CRYZ: variants seen among roughly 807,000 people sequenced by gnomAD.
CRYZ encodes crystallin zeta, also known as zeta-crystallin.
Under a neutral mutation model 34.1 loss-of-function variants are expected in CRYZ, and 35 were observed. That is an observed-to-expected ratio of 1.03 (90% CI 0.78 to 1.36). CRYZ has a LOEUF of 1.36. CRYZ is among the 40% of genes most tolerant of loss of function. CRYZ has a pLI of 0.00. For synonymous variants in CRYZ, 137 were observed against 136.5 expected (o/e 1.00, Z -0.03); for missense variants, 403 against 391.8 (o/e 1.03, Z -0.24).
intron 1 of CRYZ, among the ~76,000 whole-genome samples, chr1:74,727,496 G>A (rs1281907861): frequency 6.7e-6 from 1 of 149,392 alleles, no homozygotes; most frequent in Non-Finnish European, 1.5e-5. Context: ...GCCGGGCATG[G>A]TGGCAGGCGC....
intron 4 of CRYZ, among the ~76,000 whole-genome samples, chr1:74,715,318 A>C (rs1191957145): frequency 3.9e-5 from 6 of 152,224 alleles, no homozygotes. Flanking sequence ...ACTGAAAAGA[A>C]GGGACATGCA....
intron 4 of CRYZ, among the ~76,000 whole-genome samples, chr1:74,717,189 G>T (rs538898674): frequency 5.3e-5 from 8 of 151,714 alleles, no homozygotes; most frequent in African/African-American, 1.9e-4. Flanking sequence ...GCCTTATGCA[G>T]ATCTTATTCC....
chr1:74,721,323 G>A lies in CRYZ; in HGVS notation c.264+1795C>T, dbSNP rs145554473. ...GATGAGAGAGCATGGGATGTGCAGG[G>A]AAGGACAAACACTTCATTACTGAAG... On this transcript the variant is annotated intron_variant, in intron 3 of 8. Coordinates refer to ENST00000340866, the MANE Select transcript of CRYZ (RefSeq NM_001889.4). 7.2e-5 allele frequency among the ~76,000 whole-genome samples: 11 copies of A among 152,278 alleles called. No individual in the cohort carries two copies. The East Asian group carries it at 1.9e-3, about 27-fold the overall frequency.
intron 3 of CRYZ, 104 bp from the exon 4 acceptor site, chr1:74,719,476 C>A: frequency 1.9e-6 from 2 of 1,048,798 alleles, no homozygotes; most frequent in Non-Finnish European, 2.7e-6. Flanking sequence ...CATATATTGT[C>A]CTCTATAGGG....
chr1:74,713,115 C>T (rs1201688019), intron 5 of CRYZ, among the ~76,000 whole-genome samples: 1 of 152,036 alleles, frequency 6.6e-6, no homozygotes, highest in Non-Finnish European at 1.5e-5. Context: ...GGATCAGAAG[C>T]ACTTCACACA....
chr1:74,720,746 T>A (rs1647148899), intron 3 of CRYZ, among the ~76,000 whole-genome samples: 1 of 152,200 alleles, frequency 6.6e-6, no homozygotes, highest in Non-Finnish European at 1.5e-5. Flanking sequence ...CTAAAAAACA[T>A]GTTGAATTGA....
intron 1 of CRYZ, among the ~76,000 whole-genome samples, chr1:74,732,269 A>C (rs541202109): frequency 7.6e-6 from 1 of 131,964 alleles, no homozygotes; most frequent in African/African-American, 2.9e-5. Context: ...GCGAAGGGGC[A>C]CTACCTAGGA....
At position 74,710,307 on chromosome 1, in the gene CRYZ, T is replaced by C. The variant is rs1427193934; in HGVS notation, c.481-60A>G. The C allele has an allele frequency of 3.3e-6, 5 of 1,505,970 alleles. No individual in the cohort carries two copies. The African/African-American group carries it at 5.6e-5, about 17-fold the overall frequency. 93.3% of individuals were successfully genotyped at this position (1,505,970 alleles called of 1,614,324 possible). A position where few individuals can be genotyped will look rare whatever the true frequency, so the allele number is the denominator to read the frequency against. ...CTCTACACTCCTGTAAACACTTAAATACATACAATGAACTTAAGATTCCTA... is the reference window on the plus strand; with the variant it reads ...CTCTACACTCCTGTAAACACTTAAACACATACAATGAACTTAAGATTCCTA... On this transcript the variant is annotated intron_variant, in intron 5 of 8. Transcript: ENST00000340866.
At chr1:74,712,388 G>C (rs1025025056) in intron 5 of CRYZ, among the ~76,000 whole-genome samples, 2 of 152,168 alleles carry the variant, frequency 1.3e-5, no homozygotes, top group African/African-American at 4.8e-5. Flanking sequence ...AAATGTCCCA[G>C]AGCGGAAGGA....
In CRYZ at chr1:74,712,391, C is replaced by T. The variant is rs568948882; in HGVS notation, c.481-2144G>A. Among the ~76,000 whole-genome samples, 33 of 152,140 alleles carry T rather than the reference C, an allele frequency of 2.2e-4. No individual in the cohort carries two copies. The East Asian group carries it at 2.5e-3, about 12-fold the overall frequency. On this transcript the variant is annotated intron_variant, in intron 5 of 8. Coordinates refer to ENST00000340866, the MANE Select transcript of CRYZ (RefSeq NM_001889.4). ...TCAGACATTGCCAAATGTCCCAGAG[C>T]GGAAGGAGAAATGATGCAAAATCAC...
chr1:74,726,741 C>T (rs775590380), intron 1 of CRYZ, among the ~76,000 whole-genome samples: 5 of 152,244 alleles, frequency 3.3e-5, no homozygotes, highest in Non-Finnish European at 5.9e-5. Context: ...TTATGCTCTG[C>T]TTTCCTTTTA....
In CRYZ at chr1:74,706,302, G is replaced by A; in HGVS notation, c.984C>T (p.Leu328=). 2 of 1,603,220 alleles carry A rather than the reference G, an allele frequency of 1.2e-6. No homozygotes were observed. Among genetic ancestry groups the A allele is most frequent in the South Asian group, 2.3e-5 (2 of 88,622 alleles). The change falls in exon 9 of 9, where the codon CTC becomes CTT. Residue 328 remains leucine (L), a synonymous_variant. Transcript: ENST00000340866. The part of the protein sequence containing the change: ...GSGATGKMIL[L]L Reference sequence around the variant, plus strand: ...TCCATGAAAGAATTAATCATCATAAGAGAAGAATCATTTTTCCAGTAGCCC... The same window carrying A: ...TCCATGAAAGAATTAATCATCATAAAAGAAGAATCATTTTTCCAGTAGCCC...
At chr1:74,706,847 C>T (rs1646935367) in intron 8 of CRYZ, 52 bp downstream of exon 8, 2 of 1,475,404 alleles carry the variant, frequency 1.4e-6, no homozygotes, top group Admixed American at 1.7e-5. Flanking sequence ...CCTGAGTAGG[C>T]AAACTGTACC....
intron 3 of CRYZ, 24 bp from the exon 4 acceptor site, chr1:74,719,396 A>C: frequency 6.3e-7 from 1 of 1,595,538 alleles, no homozygotes. Context: ...TAAATGAATA[A>C]ATGCAGGAAG....
chr1:74,716,384 TG>T (rs200410835), intron 4 of CRYZ, among the ~76,000 whole-genome samples: 22 of 152,272 alleles, frequency 1.4e-4, no homozygotes, highest in East Asian at 9.7e-4. Flanking sequence ...TCATCTTCCC[TG>T]GTGCTCATAA....
Position 74,705,620 on chromosome 1 carries a change from C to T in CRYZ, c.*676G>A. 1 of 152,058 alleles carries T rather than the reference C, an allele frequency of 6.6e-6. No homozygotes were observed. The highest frequency in any genetic ancestry group is 1.5e-5 in the Non-Finnish European group (1 of 67,980). The allele number at this position is 152,058 out of a possible 1,614,324, so 9.4% of individuals were successfully genotyped here. On this transcript the variant is annotated 3_prime_UTR_variant, in exon 9 of 9. Coordinates refer to ENST00000340866, the MANE Select transcript of CRYZ (RefSeq NM_001889.4). The stretch of plus-strand genomic sequence containing the variant: ...ACCAGAAAAACAGATAACTCTAAAT[C>T]TACTCTGAAAATCTAATCAATTGCG...
At chr1:74,709,993 G>T in intron 6 of CRYZ, 105 bp downstream of exon 6, 1 of 883,220 alleles carries the variant, frequency 1.1e-6, no homozygotes. Flanking sequence ...CTGAAAAAAG[G>T]AAGCAAACAG....
intron 1 of CRYZ, among the ~76,000 whole-genome samples, chr1:74,729,795 TAGA>T (rs1647604847): frequency 6.6e-6 from 1 of 152,200 alleles, no homozygotes; most frequent in Non-Finnish European, 1.5e-5. Context: ...GAATTCGGTC[TAGA>T]AGATGACTTA....
chr1:74,716,025 A>G (rs994542257), intron 4 of CRYZ, among the ~76,000 whole-genome samples: 1 of 152,018 alleles, frequency 6.6e-6, no homozygotes, highest in Non-Finnish European at 1.5e-5. Context: ...TTTGTTTTCA[A>G]AGACTGACCT....
Sources: gnomAD v4.1 joint callset for allele counts (sites outside exome capture counted in the v4.1 genomes callset) on GRCh38, gnomAD v4.1.1 for gene constraint, MANE v1.5 for transcripts, NCBI Gene and HGNC (gene_info 2026-07-23, HGNC 2026-07-21) for gene names.